Variants in POU2F1 observed in about 807,000 individuals in gnomAD.
The protein encoded by POU2F1 is POU domain, class 2, transcription factor 1.
Under a neutral mutation model 84.9 loss-of-function variants are expected in POU2F1, and 16 were observed. The ratio of observed to expected loss-of-function variants is 0.19; its 90% confidence interval spans 0.13 to 0.29. The LOEUF (loss-of-function observed/expected upper bound fraction) is 0.29. POU2F1 is among the 10% of genes least tolerant of loss of function. POU2F1 has a pLI of 1.00. For synonymous variants in POU2F1, 368 were observed against 368.3 expected, an observed-to-expected ratio of 1.00 and a Z score of 0.01; for missense variants, 738 against 942.6, an observed-to-expected ratio of 0.78 and a Z score of 2.84.
At chr1:167,414,305 T>C (rs890602174) in intron 15 of POU2F1, 44 of 984,376 alleles carry the variant, frequency 4.5e-5, no homozygotes, top group Non-Finnish European at 5.3e-5. Context: ...GCTGTGTTGA[T>C]ACTACAAAGG....
At chr1:167,229,089 G>T (rs1251151402) in intron 1 of POU2F1, among the ~76,000 whole-genome samples, 3 of 152,090 alleles carry the variant, frequency 2.0e-5, no homozygotes, top group Non-Finnish European at 2.9e-5. Context: ...GGGCTCTATT[G>T]TGGAGAGCTC....
intron 1 of POU2F1, among the ~76,000 whole-genome samples, chr1:167,222,735 CTG>C (rs2102316626): frequency 6.6e-6 from 1 of 152,192 alleles, no homozygotes; most frequent in East Asian, 1.9e-4. Flanking sequence ...AGTATCAACT[CTG>C]TGATGGTTTG....
intron 1 of POU2F1, among the ~76,000 whole-genome samples, chr1:167,288,701 C>A (rs1384922791): frequency 1.3e-5 from 2 of 151,946 alleles, no homozygotes; most frequent in Non-Finnish European, 2.9e-5. Context: ...ACAGCAACAA[C>A]AAAAAAACAA....
intron 2 of POU2F1, among the ~76,000 whole-genome samples, chr1:167,340,110 A>T (rs1301472668): frequency 4.6e-5 from 7 of 152,180 alleles, no homozygotes; most frequent in Admixed American, 3.9e-4. Flanking sequence ...ATGGAATTTC[A>T]CTGTCGTTGC....
intron 1 of POU2F1, among the ~76,000 whole-genome samples, chr1:167,321,988 A>G (rs546310786): frequency 2.6e-5 from 4 of 152,326 alleles, no homozygotes; most frequent in South Asian, 2.1e-4. Context: ...AATGCAAAAT[A>G]TAACTACTTT....
At chr1:167,396,466 G>C in intron 10 of POU2F1, 39 bp downstream of exon 10, 1 of 1,580,930 alleles carries the variant, frequency 6.3e-7, no homozygotes, top group Non-Finnish European at 8.7e-7. Context: ...TCATTCATTG[G>C]AATTTTACAT....
intron 2 of POU2F1, among the ~76,000 whole-genome samples, chr1:167,346,584 A>G (rs1258922612): frequency 6.6e-6 from 1 of 152,058 alleles, no homozygotes; most frequent in East Asian, 1.9e-4. Flanking sequence ...TTAGATTCTC[A>G]TAAGGAATGC....
In POU2F1 at chr1:167,410,550, TC is replaced by T. The variant is rs566265098; in HGVS notation, c.1556-1408del. On this transcript the variant is annotated intron_variant, in intron 13 of 15. Transcript: ENST00000367866. ...TTATTATTTTTAACGGAGTCTTACT[TC>T]GTCACCCAGACTGGAGTGTAATGGC... Among the ~76,000 whole-genome samples, 185 of 152,172 alleles carry T rather than the reference TC, an allele frequency of 1.2e-3. 1 individual carries two copies. The highest frequency in any genetic ancestry group is 3.2e-3 in the Admixed American group (49 of 15,282).
intron 1 of POU2F1, chr1:167,329,068 T>G: frequency 4.1e-6 from 5 of 1,205,066 alleles, no homozygotes; most frequent in Non-Finnish European, 5.2e-6. Context: ...AACTGAAGTT[T>G]CCTTATTCAG....
At chr1:167,340,061 G>C (rs1419440667) in intron 2 of POU2F1, among the ~76,000 whole-genome samples, 1 of 152,196 alleles carries the variant, frequency 6.6e-6, no homozygotes, top group African/African-American at 2.4e-5. Flanking sequence ...AGGTCACACA[G>C]ATAGCTATAA....
At chr1:167,261,239 T>TA (rs960630041) in intron 1 of POU2F1, among the ~76,000 whole-genome samples, 10 of 152,202 alleles carry the variant, frequency 6.6e-5, no homozygotes, top group African/African-American at 2.4e-4. Flanking sequence ...AGAATTTTAT[T>TA]AGGTTTTTTT....
chr1:167,305,602 A>T (rs531750058), intron 1 of POU2F1, among the ~76,000 whole-genome samples: 64 of 152,316 alleles, frequency 4.2e-4, no homozygotes, highest in Non-Finnish European at 4.3e-4. Context: ...TAGTTACATG[A>T]ATTTTAGCCT....
At chr1:167,254,113 T>A (rs879467346) in intron 1 of POU2F1, among the ~76,000 whole-genome samples, 1 of 152,220 alleles carries the variant, frequency 6.6e-6, no homozygotes, top group African/African-American at 2.4e-5. Context: ...TTAAAGCCTG[T>A]TCACACTTTA....
intron 1 of POU2F1, among the ~76,000 whole-genome samples, chr1:167,237,736 ATG>A (rs201151600): frequency 0.025 from 2,621 of 104,126 alleles, 88 homozygotes; most frequent in African/African-American, 0.086. Flanking sequence ...AAATCCATAT[ATG>A]TGTGTGTGTA....
At chr1:167,313,698 C>T (rs1421590161) in intron 1 of POU2F1, among the ~76,000 whole-genome samples, 1 of 152,106 alleles carries the variant, frequency 6.6e-6, no homozygotes, top group African/African-American at 2.4e-5. Flanking sequence ...AGTTTTTAAA[C>T]GTGACACCAA....
chr1:167,330,526 C>T lies in POU2F1; in HGVS notation c.62-1944C>T, dbSNP rs549138770. ...CCTTTTTGGAATATTTTTAACACAT[C>T]ATTTTAGAAGTAGAAATTACATCTC... On this transcript the variant is annotated intron_variant, in intron 1 of 15. Coordinates refer to ENST00000367866, the MANE Select transcript of POU2F1 (RefSeq NM_002697.4). Among the ~76,000 whole-genome samples, 5 of 152,222 alleles carry T rather than the reference C, an allele frequency of 3.3e-5. No individual in the cohort carries two copies. In the South Asian group the frequency reaches 1.0e-3, roughly 32 times the overall value.
At chr1:167,251,848 CTT>C (rs751900342) in intron 1 of POU2F1, among the ~76,000 whole-genome samples, 22 of 140,998 alleles carry the variant, frequency 1.6e-4, no homozygotes, top group East Asian at 2.0e-4. Flanking sequence ...TTCGTTATAT[CTT>C]TTTTTTTTTT....
At chr1:167,380,467 C>G (rs1647443145) in intron 7 of POU2F1, 1 of 152,200 alleles carries the variant, frequency 6.6e-6, no homozygotes, top group Non-Finnish European at 1.5e-5. Context: ...CTAGAATCAC[C>G]TTGTACCACT....
chr1:167,409,491 C>T (rs1006072258), intron 13 of POU2F1, among the ~76,000 whole-genome samples: 2 of 152,184 alleles, frequency 1.3e-5, no homozygotes, highest in South Asian at 2.1e-4. Context: ...AATTTACAGT[C>T]ATGAAATACA....
Sources: allele counts gnomAD v4.1 joint callset (sites outside exome capture counted in the v4.1 genomes callset), GRCh38; gene constraint gnomAD v4.1.1; transcripts MANE v1.5; gene names NCBI Gene and HGNC (gene_info 2026-07-23, HGNC 2026-07-21).